Variants in RPS6KC1 observed in about 807,000 individuals in gnomAD.
RPS6KC1 encodes inactive ribosomal protein S6 kinase delta-1.
In RPS6KC1, 54 loss-of-function variants were observed where a neutral mutation model predicts 103.8. The ratio of observed to expected loss-of-function variants is 0.52; its 90% confidence interval spans 0.42 to 0.65. The LOEUF is 0.65. RPS6KC1 is among the 30% of genes least tolerant of loss of function. RPS6KC1 has a pLI of 0.00. For synonymous variants in RPS6KC1, 439 were observed against 438.7 expected, an observed-to-expected ratio of 1.00 and a Z score of -0.01; for missense variants, 1,151 against 1,253.8, an observed-to-expected ratio of 0.92 and a Z score of 1.24.
At chr1:213,799,615 A>T in the RPS6KC1 span, among the ~76,000 whole-genome samples, 1 of 152,244 alleles carries the variant, frequency 6.6e-6, no homozygotes, top group Non-Finnish European at 1.5e-5. Flanking sequence ...TGGAAGCGGG[A>T]ATCCGCAAAT....
chr1:213,513,508 A>G, the RPS6KC1 span, among the ~76,000 whole-genome samples: 1 of 152,222 alleles, frequency 6.6e-6, no homozygotes, highest in South Asian at 2.1e-4. Context: ...GGTGGCAAAA[A>G]ATAGGCACAA....
chr1:213,241,480 G>A lies in RPS6KC1; in HGVS notation c.2004G>A (p.Val668=). ...DTISRGSDDS[V]PVISFKDAAF... ...TTAGCAGGGGCTCAGATGACTCAGT[G>A]CCAGTTATTTCATTTAAAGATGCTG... The change falls in exon 11 of 15, where the codon GTG becomes GTA. Residue 668 remains valine (V), a synonymous_variant. Coordinates refer to ENST00000366960, the MANE Select transcript of RPS6KC1 (RefSeq NM_012424.6). 1 of 1,613,946 alleles carries A rather than the reference G, an allele frequency of 6.2e-7. No homozygotes were observed. The highest frequency in any genetic ancestry group is 1.1e-5 in the South Asian group (1 of 91,086).
At chr1:213,767,334 A>G in the RPS6KC1 span, among the ~76,000 whole-genome samples, 2 of 152,026 alleles carry the variant, frequency 1.3e-5, no homozygotes, top group Non-Finnish European at 2.9e-5. Flanking sequence ...AGTATCTTTG[A>G]CCTCATTATA....
intron 8 of RPS6KC1, among the ~76,000 whole-genome samples, chr1:213,186,611 A>G (rs1295553796): frequency 6.6e-6 from 1 of 152,090 alleles, no homozygotes; most frequent in African/African-American, 2.4e-5. Flanking sequence ...GTATCTGGAT[A>G]TGTATATCTT....
At chr1:213,197,603 C>A (rs926622749) in intron 8 of RPS6KC1, among the ~76,000 whole-genome samples, 2 of 152,054 alleles carry the variant, frequency 1.3e-5, no homozygotes, top group African/African-American at 4.8e-5. Flanking sequence ...TGATTTGATT[C>A]TCAGCTTGGT....
At chr1:213,279,121 T>G (rs564166153), downstream of RPS6KC1, among the ~76,000 whole-genome samples, 1 of 152,292 alleles carries the variant, frequency 6.6e-6, no homozygotes, top group South Asian at 2.1e-4. Flanking sequence ...CTTGGAGAGC[T>G]GGCATTATTG....
chr1:213,691,393 C>G, the RPS6KC1 span, among the ~76,000 whole-genome samples: 1 of 152,224 alleles, frequency 6.6e-6, no homozygotes, highest in Non-Finnish European at 1.5e-5. Context: ...GTAAAGAGGA[C>G]TCTGCAATTG....
intron 12 of RPS6KC1, among the ~76,000 whole-genome samples, chr1:213,247,518 A>G (rs971255841): frequency 1.3e-5 from 2 of 152,158 alleles, no homozygotes; most frequent in African/African-American, 4.8e-5. Flanking sequence ...GATAATTAAA[A>G]CTAGGACTCA....
At chr1:213,596,299 A>G in the RPS6KC1 span, among the ~76,000 whole-genome samples, 1 of 152,208 alleles carries the variant, frequency 6.6e-6, no homozygotes, top group Admixed American at 6.5e-5. Flanking sequence ...AGTCAACGCG[A>G]GTGGCTTTGC....
chr1:213,709,450 A>G, the RPS6KC1 span, among the ~76,000 whole-genome samples: 1 of 152,012 alleles, frequency 6.6e-6, no homozygotes, highest in African/African-American at 2.4e-5. Context: ...TTTCTTCTTT[A>G]TTAGACTGGC....
the RPS6KC1 span, among the ~76,000 whole-genome samples, chr1:213,539,375 C>T: frequency 6.6e-6 from 1 of 152,220 alleles, no homozygotes; most frequent in Non-Finnish European, 1.5e-5. Flanking sequence ...ACATCCCTCT[C>T]TGTGGTTGGT....
the RPS6KC1 span, among the ~76,000 whole-genome samples, chr1:213,777,827 A>G: frequency 2.1e-4 from 32 of 152,242 alleles, no homozygotes; most frequent in Non-Finnish European, 4.4e-5. Flanking sequence ...AAAAGCCAAT[A>G]TAAATAATGG....
intron 1 of RPS6KC1, among the ~76,000 whole-genome samples, chr1:213,060,535 T>C (rs185814529): frequency 6.6e-6 from 1 of 152,346 alleles, no homozygotes; most frequent in East Asian, 1.9e-4. Flanking sequence ...TAATATTGTT[T>C]AGTAGAAAAC....
the RPS6KC1 span, among the ~76,000 whole-genome samples, chr1:213,722,210 T>C: frequency 2.0e-5 from 3 of 152,130 alleles, no homozygotes; most frequent in Non-Finnish European, 4.4e-5. Context: ...GATCTCATGC[T>C]TTGCTCATTT....
rs545608395 is a variant in RPS6KC1, at chr1:213,136,154, A to G, written c.835+6265A>G. Among the ~76,000 whole-genome samples, 2 of 152,038 alleles carry G rather than the reference A, an allele frequency of 1.3e-5. 1 individual carries two copies. Among genetic ancestry groups the G allele is most frequent in the South Asian group, 4.1e-4 (2 of 4,822 alleles). ...CTGTATTTGCTATCCCCTTTCTCTTATTTGATTTTATCTTCATGGCATGAA... is the reference window on the plus strand; with the variant it reads ...CTGTATTTGCTATCCCCTTTCTCTTGTTTGATTTTATCTTCATGGCATGAA... On this transcript the variant is annotated intron_variant, in intron 6 of 14. Coordinates refer to ENST00000366960, the MANE Select transcript of RPS6KC1 (RefSeq NM_012424.6).
chr1:213,355,741 T>C, the RPS6KC1 span, among the ~76,000 whole-genome samples: 1 of 152,230 alleles, frequency 6.6e-6, no homozygotes, highest in East Asian at 1.9e-4. Context: ...TTGTTTCAAC[T>C]CAGCGGCAAC....
At chr1:213,537,007 CCA>C in the RPS6KC1 span, among the ~76,000 whole-genome samples, 1 of 152,186 alleles carries the variant, frequency 6.6e-6, no homozygotes, top group African/African-American at 2.4e-5. Context: ...GACAACATAT[CCA>C]CCTTACATAT....
At chr1:213,543,014 G>A in the RPS6KC1 span, among the ~76,000 whole-genome samples, 1 of 152,202 alleles carries the variant, frequency 6.6e-6, no homozygotes, top group African/African-American at 2.4e-5. Flanking sequence ...GGCAATAGCT[G>A]GGTGACTAAG....
At chr1:213,167,439 A>AAC (rs199762137) in intron 6 of RPS6KC1, among the ~76,000 whole-genome samples, 4,914 of 75,912 alleles carry the variant, frequency 0.065, 153 homozygotes, top group East Asian at 0.13. Context: ...CAAGGTTGAA[A>AAC]ACACACACAC....
Sources: gnomAD v4.1 joint callset for allele counts (sites outside exome capture counted in the v4.1 genomes callset) on GRCh38, gnomAD v4.1.1 for gene constraint, MANE v1.5 for transcripts, NCBI Gene and HGNC (gene_info 2026-07-23, HGNC 2026-07-21) for gene names.